The following SUSD4 variants were observed in gnomAD, a reference collection of about 807,000 sequenced individuals.
SUSD4 encodes sushi domain containing 4, also known as sushi domain-containing protein 4.
A neutral mutation model predicts 50.5 loss-of-function variants in SUSD4; 41 were observed. The observed-to-expected ratio is 0.81, with a 90% CI of 0.63 to 1.05. The LOEUF is 1.05. Ranked by LOEUF, SUSD4 falls within the 50% of genes least tolerant of loss-of-function variation. The pLI is 0.00. For synonymous variants in SUSD4, 257 were observed against 257.3 expected, an observed-to-expected ratio of 1.00 and a Z score of 0.01; for missense variants, 580 against 634.7, an observed-to-expected ratio of 0.91 and a Z score of 0.93.
intron 2 of SUSD4, among the ~76,000 whole-genome samples, chr1:223,292,922 T>G (rs1306911307): frequency 3.3e-5 from 5 of 152,238 alleles, no homozygotes; most frequent in Admixed American, 1.3e-4. Context: ...CAAAAAGGAT[T>G]TCACATGACA....
At chr1:223,242,449 GC>G (rs1660645650) in intron 5 of SUSD4, among the ~76,000 whole-genome samples, 1 of 152,142 alleles carries the variant, frequency 6.6e-6, no homozygotes, top group African/African-American at 2.4e-5. Context: ...GCATCTCCAA[GC>G]CATTGGAACA....
intron 2 of SUSD4, among the ~76,000 whole-genome samples, chr1:223,324,939 CGTACTCCAGGAAGGG>C (rs970005370): frequency 1.2e-4 from 18 of 152,056 alleles, no homozygotes; most frequent in Non-Finnish European, 2.2e-4. Flanking sequence ...ATCAATGCAC[CGTACTCCAGGAAGGG>C]GTACTTTACT....
intron 2 of SUSD4, among the ~76,000 whole-genome samples, chr1:223,346,584 C>A (rs1170432036): frequency 6.6e-6 from 1 of 152,140 alleles, no homozygotes; most frequent in African/African-American, 2.4e-5. Context: ...GGCCAGATGG[C>A]TTGAATTTGG....
intron 2 of SUSD4, among the ~76,000 whole-genome samples, chr1:223,340,864 C>T (rs1398801404): frequency 1.3e-5 from 2 of 152,168 alleles, no homozygotes; most frequent in Non-Finnish European, 2.9e-5. Flanking sequence ...ATAGTAAGCA[C>T]TTAGCTGAAA....
At chr1:223,313,438 T>C (rs960009787) in intron 2 of SUSD4, among the ~76,000 whole-genome samples, 2 of 152,336 alleles carry the variant, frequency 1.3e-5, no homozygotes, top group South Asian at 4.1e-4. Context: ...TTATCCTATG[T>C]GTGTCTTCTT....
intron 5 of SUSD4, among the ~76,000 whole-genome samples, chr1:223,244,011 T>C (rs531592103): frequency 7.9e-5 from 12 of 152,382 alleles, no homozygotes; most frequent in African/African-American, 2.9e-4. Context: ...GATACTACCT[T>C]GGTCCCATCC....
intron 5 of SUSD4, among the ~76,000 whole-genome samples, chr1:223,240,072 GT>G (rs1306606849): frequency 1.3e-5 from 2 of 151,982 alleles, no homozygotes; most frequent in African/African-American, 4.8e-5. Flanking sequence ...GGTTGGTTGG[GT>G]TTTTTTCTCT....
At chr1:223,341,700 G>A (rs1041359358) in intron 2 of SUSD4, among the ~76,000 whole-genome samples, 1 of 152,186 alleles carries the variant, frequency 6.6e-6, no homozygotes, top group African/African-American at 2.4e-5. Context: ...TGCACACGCA[G>A]CTACAACCAC....
chr1:223,243,961 A>G (rs1660753690), intron 5 of SUSD4, among the ~76,000 whole-genome samples: 2 of 152,262 alleles, frequency 1.3e-5, no homozygotes, highest in African/African-American at 4.8e-5. Context: ...CACTCATTTT[A>G]AAATTCACTT....
At position 223,303,334 on chromosome 1, in the gene SUSD4, T is replaced by A. The variant is rs145959579; in HGVS notation, c.149-10683A>T. Among the ~76,000 whole-genome samples, 121 of 152,152 alleles carry A rather than the reference T, an allele frequency of 8.0e-4. 1 individual carries two copies. Among genetic ancestry groups the A allele is most frequent in the Middle Eastern group, 6.8e-3 (2 of 294 alleles). ...AAAATAGATATGAAGAAAGAAAAAT[T>A]ATAATCTGTTTATATATTCACTCCA... On this transcript the variant is annotated intron_variant, in intron 2 of 8. Transcript: ENST00000366878.
intron 2 of SUSD4, among the ~76,000 whole-genome samples, chr1:223,308,562 AATATATAAGC>A (rs1390562683): frequency 3.3e-5 from 5 of 152,358 alleles, no homozygotes; most frequent in Non-Finnish European, 7.3e-5. Context: ...ATTAAGAAAT[AATATATAAGC>A]ATATATAAGC....
intron 5 of SUSD4, among the ~76,000 whole-genome samples, chr1:223,239,277 T>C (rs1471395939): frequency 6.6e-6 from 1 of 152,078 alleles, no homozygotes; most frequent in Non-Finnish European, 1.5e-5. Context: ...TGAATCATTT[T>C]TAAAAATCTA....
In SUSD4 at chr1:223,283,894, C is replaced by T. The variant is rs574438941; in HGVS notation, c.361+8545G>A. ...GGCACATATGCACCATGGAATACTACGCAGCCATAAAAAAGGATGAGTTCA... is the reference window on the plus strand; with the variant it reads ...GGCACATATGCACCATGGAATACTATGCAGCCATAAAAAAGGATGAGTTCA... On this transcript the variant is annotated intron_variant, in intron 3 of 8. Coordinates refer to ENST00000366878, the MANE Select transcript of SUSD4 (RefSeq NM_017982.4). Among the ~76,000 whole-genome samples the T allele has an allele frequency of 2.5e-3, 383 of 152,214 alleles. 1 individual carries two copies. Among genetic ancestry groups the T allele is most frequent in the Non-Finnish European group, 4.4e-3 (298 of 68,012 alleles).
intron 5 of SUSD4, chr1:223,234,797 TA>T: frequency 9.9e-7 from 1 of 1,005,862 alleles, no homozygotes; most frequent in Non-Finnish European, 1.4e-6. Flanking sequence ...AGATACACAC[TA>T]AAATAAAGAG....
intron 5 of SUSD4, among the ~76,000 whole-genome samples, chr1:223,243,382 C>T (rs1043551396): frequency 1.3e-5 from 2 of 152,204 alleles, no homozygotes; most frequent in Non-Finnish European, 2.9e-5. Context: ...CCCAGCCTCC[C>T]TGCGCACTGG....
intron 3 of SUSD4, among the ~76,000 whole-genome samples, chr1:223,274,024 C>T (rs980266181): frequency 1.3e-5 from 2 of 152,136 alleles, no homozygotes; most frequent in Admixed American, 1.3e-4. Flanking sequence ...AGATTTATAG[C>T]TGGTATCACA....
chr1:223,350,628 A>G (rs961103389), intron 2 of SUSD4, among the ~76,000 whole-genome samples: 2 of 152,214 alleles, frequency 1.3e-5, no homozygotes, highest in East Asian at 3.9e-4. Flanking sequence ...TGGCTCAATG[A>G]TGTCCTTTAT....
At chr1:223,317,893 C>T (rs1355928918) in intron 2 of SUSD4, among the ~76,000 whole-genome samples, 1 of 96,110 alleles carries the variant, frequency 1.0e-5, no homozygotes, top group Non-Finnish European at 1.9e-5. Flanking sequence ...TTTTAGGGTA[C>T]ATGTGCACAT....
At chr1:223,262,193 G>T (rs1242627957) in intron 5 of SUSD4, among the ~76,000 whole-genome samples, 1 of 152,184 alleles carries the variant, frequency 6.6e-6, no homozygotes, top group South Asian at 2.1e-4. Flanking sequence ...GATTGACAGT[G>T]AAAGAGGAAC....
Sources: gnomAD v4.1 joint callset for allele counts (sites outside exome capture counted in the v4.1 genomes callset) on GRCh38, gnomAD v4.1.1 for gene constraint, MANE v1.5 for transcripts, NCBI Gene and HGNC (gene_info 2026-07-23, HGNC 2026-07-21) for gene names.